TOP1: variants seen among roughly 807,000 people sequenced by gnomAD.
The protein encoded by TOP1 is DNA topoisomerase 1.
TOP1 carries 10 observed loss-of-function variants against 111.1 expected under a neutral mutation model. The ratio of observed to expected loss-of-function variants is 0.09; its 90% CI spans 0.06 to 0.15. TOP1 has a LOEUF of 0.15. Ranked by LOEUF, TOP1 falls within the 10% of genes least tolerant of loss-of-function variation. The pLI, the probability that TOP1 is intolerant of heterozygous loss-of-function variation, is 1.00. For synonymous variants in TOP1, 271 were observed against 302.9 expected (o/e 0.89, Z 1.10); for missense variants, 474 against 926.7 (o/e 0.51, Z 6.34).
rs983210192 is a variant in TOP1, at chr20:41,079,116, A to G, written c.336-969A>G. 4.6e-5 allele frequency among the ~76,000 whole-genome samples: 7 copies of G among 152,186 alleles called. No homozygotes were observed. The highest frequency in any genetic ancestry group is 4.8e-5 in the African/African-American group (2 of 41,454). Reference sequence around the variant, plus strand: ...TAAGTTCTTTAAACATTCAAATTCTATCACAAGCAAGGGGACCCAGTATGC... The same window carrying G: ...TAAGTTCTTTAAACATTCAAATTCTGTCACAAGCAAGGGGACCCAGTATGC... On this transcript the variant is annotated intron_variant, in intron 5 of 20. Transcript: ENST00000361337. The surrounding 1 kb of genome is among the most constrained non-coding windows in gnomAD (Gnocchi z 4.0).
At position 41,118,086 on chromosome 20, in the gene TOP1, C is replaced by A. The variant is rs185767098; in HGVS notation, c.1823-83C>A. The stretch of plus-strand genomic sequence containing the variant: ...ATAAGAGCCAGCAAAATCATGGGGA[C>A]GAGGCACTGGGGGAAGACATACTGT... On this transcript the variant is annotated intron_variant, in intron 17 of 20. Transcript: ENST00000361337. The surrounding 1 kb of genome is among the most constrained non-coding windows in gnomAD (Gnocchi z 4.6). 36 of 1,450,564 alleles carry A rather than the reference C, an allele frequency of 2.5e-5. No homozygotes were observed. The South Asian group carries it at 4.3e-4, about 17-fold the overall frequency. 89.9% of individuals were successfully genotyped at this position (1,450,564 alleles called of 1,614,324 possible). A position where few individuals can be genotyped will look rare whatever the true frequency, so the allele number is the denominator to read the frequency against.
Position 41,071,844 on chromosome 20 carries a change from T to C in TOP1, c.156-4327T>C, listed in dbSNP as rs975640273. Among the ~76,000 whole-genome samples the C allele has an allele frequency of 2.0e-5, 3 of 152,208 alleles. No individual in the cohort carries two copies. The highest frequency in any genetic ancestry group is 6.5e-5 in the Admixed American group (1 of 15,286). On this transcript the variant is annotated intron_variant, in intron 3 of 20. Coordinates refer to ENST00000361337, the MANE Select transcript of TOP1 (RefSeq NM_003286.4). This position sits in a 1 kb window ranked among gnomAD's most constrained non-coding sequence, Gnocchi z 4.3. ...GAAGTCAGCATCTATGCCTAGCCAA[T>C]AATTGGTTGTTTTCTCGTTCAGAGT...
rs184191116 is a variant in TOP1, at chr20:41,100,889, A to G, written c.1164-320A>G. 4.8e-4 allele frequency: 108 copies of G among 227,332 alleles called. No individual in the cohort carries two copies. Among genetic ancestry groups the G allele is most frequent in the African/African-American group, 2.3e-3 (101 of 44,466 alleles). The allele number at this position is 227,332 out of a possible 1,614,324, so 14.1% of individuals were successfully genotyped here. A position where few individuals can be genotyped will look rare whatever the true frequency, so the allele number is the denominator to read the frequency against. ...GGCAGCTACTAGGTTACCCATGGGC[A>G]AGTGACATATACAGCATGGTATGTT... On this transcript the variant is annotated intron_variant, in intron 12 of 20. Coordinates refer to ENST00000361337, the MANE Select transcript of TOP1 (RefSeq NM_003286.4). The surrounding 1 kb of genome is among the most constrained non-coding windows in gnomAD (Gnocchi z 4.4).
Position 41,094,198 on chromosome 20 carries a change from A to G in TOP1, c.730+1611A>G, listed in dbSNP as rs1020159518. On this transcript the variant is annotated intron_variant, in intron 9 of 20. Transcript: ENST00000361337. This position sits in a 1 kb window ranked among gnomAD's most constrained non-coding sequence, Gnocchi z 4.4. ...GCCTAACAGGACTCCATAATCTCAG[A>G]GGCAAATGCTTATGTTATGTAAACA... Among the ~76,000 whole-genome samples, 8 of 152,222 alleles carry G rather than the reference A, an allele frequency of 5.3e-5. No homozygotes were observed. The highest frequency in any genetic ancestry group is 1.9e-4 in the African/African-American group (8 of 41,456).
At chr20:41,085,264 A>G (rs1057175403) in intron 8 of TOP1, among the ~76,000 whole-genome samples, 1 of 152,222 alleles carries the variant, frequency 6.6e-6, no homozygotes, top group Non-Finnish European at 1.5e-5. Flanking sequence ...TAAGTAATCA[A>G]AGATGCAAAA....
At position 41,062,001 on chromosome 20, in the gene TOP1, C is replaced by T. The variant is rs191058231; in HGVS notation, c.155+511C>T. The stretch of plus-strand genomic sequence containing the variant: ...CTTTCATCATGTTATCAGAGGAGTT[C>T]GGCTCCCACAAAAGCCTACAATCAC... On this transcript the variant is annotated intron_variant, in intron 3 of 20. Coordinates refer to ENST00000361337, the MANE Select transcript of TOP1 (RefSeq NM_003286.4). 4.6e-3 allele frequency among the ~76,000 whole-genome samples: 693 copies of T among 152,254 alleles called. 12 individuals carry two copies. The highest frequency in any genetic ancestry group is 0.028 in the Admixed American group (432 of 15,290).
At position 41,118,366 on chromosome 20, in the gene TOP1, G is replaced by T; in HGVS notation, c.1950+70G>T. 6.3e-7 allele frequency: 1 copy of T among 1,583,386 alleles called. No homozygotes were observed. The highest frequency in any genetic ancestry group is 8.6e-7 in the Non-Finnish European group (1 of 1,158,150). ...TTATCTGCGAATGAGAGGATTCAGG[G>T]CTGAGATATCAGCAGGCCAGTGCTG... On this transcript the variant is annotated intron_variant, in intron 18 of 20. Transcript: ENST00000361337. The surrounding 1 kb of genome is among the most constrained non-coding windows in gnomAD (Gnocchi z 4.6).
At chr20:41,047,223 T>A (rs2033345302) in intron 2 of TOP1, among the ~76,000 whole-genome samples, 1 of 152,268 alleles carries the variant, frequency 6.6e-6, no homozygotes, top group Admixed American at 6.5e-5. Flanking sequence ...AATTTAGGCA[T>A]GTGCCACATA....
In TOP1 at chr20:41,094,131, G is replaced by A. The variant is rs1287052699; in HGVS notation, c.730+1544G>A. 6.6e-6 allele frequency among the ~76,000 whole-genome samples: 1 copy of A among 152,088 alleles called. No individual in the cohort carries two copies. The highest frequency in any genetic ancestry group is 1.5e-5 in the Non-Finnish European group (1 of 68,016). On this transcript the variant is annotated intron_variant, in intron 9 of 20. Coordinates refer to ENST00000361337, the MANE Select transcript of TOP1 (RefSeq NM_003286.4). This position sits in a 1 kb window ranked among gnomAD's most constrained non-coding sequence, Gnocchi z 4.4. ...GGTCAGACACCAAGACCCAGCAGTG[G>A]ATAGTACTACTGACTTAGACCCTGA...
chr20:41,035,089 G>C (rs1455127699), intron 2 of TOP1, among the ~76,000 whole-genome samples: 5 of 151,936 alleles, frequency 3.3e-5, no homozygotes, highest in Non-Finnish European at 5.9e-5. Flanking sequence ...GAGGTTTCTC[G>C]CCATGTTGCC....
chr20:41,062,318 G>A (rs1196372009), intron 3 of TOP1, among the ~76,000 whole-genome samples: 1 of 152,140 alleles, frequency 6.6e-6, no homozygotes, highest in Non-Finnish European at 1.5e-5. Context: ...TTATTAACTT[G>A]TCTGATTGTC....
At chr20:41,093,073 T>C (rs1379905910) in intron 9 of TOP1, among the ~76,000 whole-genome samples, 1 of 152,218 alleles carries the variant, frequency 6.6e-6, no homozygotes, top group South Asian at 2.1e-4. Flanking sequence ...TCACCTATTC[T>C]GTGTAGCATA....
At position 41,101,818 on chromosome 20, in the gene TOP1, T is replaced by TC. The variant is rs2034068044; in HGVS notation, c.1308+466dup. ...TGTAAAATCTAATGTCTTACATACTTCTGGCTTCCTGCAGTCTCATCTGGG... is the reference window on the plus strand; with the variant it reads ...TGTAAAATCTAATGTCTTACATACTTCCTGGCTTCCTGCAGTCTCATCTGGG... On this transcript the variant is annotated intron_variant, in intron 13 of 20. Coordinates refer to ENST00000361337, the MANE Select transcript of TOP1 (RefSeq NM_003286.4). This position sits in a 1 kb window ranked among gnomAD's most constrained non-coding sequence, Gnocchi z 4.1. Among the ~76,000 whole-genome samples the TC allele has an allele frequency of 6.6e-6, 1 of 152,264 alleles. No individual in the cohort carries two copies. Among genetic ancestry groups the TC allele is most frequent in the African/African-American group, 2.4e-5 (1 of 41,472 alleles).
intron 13 of TOP1, among the ~76,000 whole-genome samples, chr20:41,105,756 A>G (rs956571563): frequency 1.3e-5 from 2 of 152,188 alleles, no homozygotes; most frequent in African/African-American, 4.8e-5. Context: ...CAGCTGCACA[A>G]AGTGCTGGGA....
intron 2 of TOP1, among the ~76,000 whole-genome samples, chr20:41,052,596 T>C (rs1253866666): frequency 1.3e-5 from 2 of 152,236 alleles, no homozygotes; most frequent in Admixed American, 6.5e-5. Flanking sequence ...CATTTGATAC[T>C]GAGTTTCTTA....
At chr20:41,055,786 C>CT (rs1349912082) in intron 2 of TOP1, among the ~76,000 whole-genome samples, 1 of 152,092 alleles carries the variant, frequency 6.6e-6, no homozygotes, top group Non-Finnish European at 1.5e-5. Flanking sequence ...TTTGCTGTCA[C>CT]TTTTTTTGTA....
chr20:41,118,552 CTT>C lies in TOP1; in HGVS notation c.1950+258_1950+259del, dbSNP rs2034370371. On this transcript the variant is annotated intron_variant, in intron 18 of 20. Coordinates refer to ENST00000361337, the MANE Select transcript of TOP1 (RefSeq NM_003286.4). The surrounding 1 kb of genome is among the most constrained non-coding windows in gnomAD (Gnocchi z 4.6). ...GCCACTCCCTATTTTGAAAAACTAA[CTT>C]TGGTGTACATTCTAATTGCTAATTA... Among the ~76,000 whole-genome samples, 1 of 152,200 alleles carries C rather than the reference CTT, an allele frequency of 6.6e-6. No individual in the cohort carries two copies. The highest frequency in any genetic ancestry group is 1.5e-5 in the Non-Finnish European group (1 of 68,038).
chr20:41,059,687 T>C (rs1326069594), intron 2 of TOP1, among the ~76,000 whole-genome samples: 3 of 151,706 alleles, frequency 2.0e-5, no homozygotes, highest in Non-Finnish European at 2.9e-5. Flanking sequence ...AAAGAGAAAA[T>C]TGATGAAGTG....
At chr20:41,054,923 C>G (rs995305782) in intron 2 of TOP1, among the ~76,000 whole-genome samples, 1 of 152,142 alleles carries the variant, frequency 6.6e-6, no homozygotes, top group African/African-American at 2.4e-5. Flanking sequence ...AGACACTTTC[C>G]TTTTGTCTGT....
Sources: allele counts gnomAD v4.1 joint callset (sites outside exome capture counted in the v4.1 genomes callset), GRCh38; gene constraint gnomAD v4.1.1; non-coding constraint Gnocchi (gnomAD v3.1); transcripts MANE v1.5; gene names NCBI Gene and HGNC (gene_info 2026-07-23, HGNC 2026-07-21).